DENND1B: variants seen among roughly 807,000 people sequenced by gnomAD.
DENND1B encodes DENN domain-containing protein 1B.
Under a neutral mutation model 90.1 loss-of-function variants are expected in DENND1B, and 59 were observed. The observed-to-expected ratio is 0.65, with a 90% CI of 0.53 to 0.81. The LOEUF (loss-of-function observed/expected upper bound fraction) is 0.81. Among genes scored for constraint, DENND1B ranks in the 40% least tolerant of loss-of-function variants. The pLI is 0.00. For synonymous variants in DENND1B, 337 were observed against 324.6 expected, an observed-to-expected ratio of 1.04 and a Z score of -0.41; for missense variants, 862 against 912.6, an observed-to-expected ratio of 0.94 and a Z score of 0.71.
chr1:197,773,138 G>A (rs1656832547), intron 1 of DENND1B: 1 of 560,772 alleles, frequency 1.8e-6, no homozygotes, highest in Non-Finnish European at 3.2e-6. Context: ...CTGAAACTTG[G>A]GGCAAAGCAT....
At chr1:197,544,825 AGAAGAG>A (rs1670614761) in intron 18 of DENND1B, among the ~76,000 whole-genome samples, 1 of 148,624 alleles carries the variant, frequency 6.7e-6, no homozygotes, top group South Asian at 2.2e-4. Context: ...AAGAGGAGGA[AGAAGAG>A]GAAGAGGAGG....
At position 197,719,072 on chromosome 1, in the gene DENND1B, A is replaced by AAC. The variant is rs200771239; in HGVS notation, c.83-4000_83-3999dup. Among the ~76,000 whole-genome samples, 571 of 152,234 alleles carry AAC rather than the reference A, an allele frequency of 3.8e-3. 14 individuals are homozygous for AAC. The highest frequency in any genetic ancestry group is 0.029 in the East Asian group (151 of 5,182). ...GAATGGCAACTATATTAAAAGACAT[A>AAC]ACACCACAGTAAGATGAGCCTCAGT... On this transcript the variant is annotated intron_variant, in intron 2 of 22. Transcript: ENST00000620048.
intron 14 of DENND1B, among the ~76,000 whole-genome samples, chr1:197,586,381 A>C (rs1313840502): frequency 6.6e-6 from 1 of 152,190 alleles, no homozygotes; most frequent in Admixed American, 6.6e-5. Flanking sequence ...TTTTAAATAA[A>C]TGTATATTTT....
At chr1:197,680,742 G>T (rs1656599532) in intron 3 of DENND1B, among the ~76,000 whole-genome samples, 1 of 152,104 alleles carries the variant, frequency 6.6e-6, no homozygotes. Context: ...ACATTAGGCA[G>T]CATATCAAAG....
chr1:197,668,016 A>G (rs1359925623), intron 5 of DENND1B, among the ~76,000 whole-genome samples: 2 of 152,196 alleles, frequency 1.3e-5, no homozygotes, highest in African/African-American at 4.8e-5. Context: ...AGACTTTTTT[A>G]TAAGTACATA....
intron 2 of DENND1B, among the ~76,000 whole-genome samples, chr1:197,740,086 G>A (rs1329541173): frequency 6.6e-6 from 1 of 152,194 alleles, no homozygotes; most frequent in African/African-American, 2.4e-5. Flanking sequence ...GAGCGCAAAA[G>A]GAAGGAGAGT....
chr1:197,673,664 A>G (rs1211310723), intron 4 of DENND1B, among the ~76,000 whole-genome samples: 1 of 152,132 alleles, frequency 6.6e-6, no homozygotes, highest in Non-Finnish European at 1.5e-5. Flanking sequence ...CCATAATATT[A>G]CACTACCTCT....
intron 18 of DENND1B, among the ~76,000 whole-genome samples, chr1:197,542,243 C>T (rs1670386632): frequency 6.6e-6 from 1 of 152,008 alleles, no homozygotes; most frequent in Non-Finnish European, 1.5e-5. Flanking sequence ...TAAATTTATA[C>T]AAGTGTGTAT....
At chr1:197,511,438 T>C (rs1668021185) in intron 22 of DENND1B, among the ~76,000 whole-genome samples, 1 of 151,726 alleles carries the variant, frequency 6.6e-6, no homozygotes, top group Non-Finnish European at 1.5e-5. Flanking sequence ...ATTTTAAAAA[T>C]TCCCCAGAGA....
chr1:197,777,552 C>T (rs1290451586), upstream of DENND1B, among the ~76,000 whole-genome samples: 1 of 152,122 alleles, frequency 6.6e-6, no homozygotes, highest in Non-Finnish European at 1.5e-5. Flanking sequence ...TTGGTAATAG[C>T]TTTAATGAAA....
chr1:197,760,641 C>CAAA (rs1265014598), intron 2 of DENND1B, among the ~76,000 whole-genome samples: 2 of 72,236 alleles, frequency 2.8e-5, no homozygotes, highest in Non-Finnish European at 5.9e-5. Context: ...GACCTTGTCT[C>CAAA]AAAAAAAAAA....
intron 2 of DENND1B, chr1:197,734,127 CAT>C: frequency 1.1e-6 from 1 of 935,624 alleles, no homozygotes; most frequent in Non-Finnish European, 1.3e-6. Flanking sequence ...ATAAAACTGT[CAT>C]ATCTTTTCAT....
intron 3 of DENND1B, chr1:197,690,625 AGGCTAAATGAATATTATCCCT>A (rs964399628): frequency 4.2e-6 from 1 of 237,208 alleles, no homozygotes; most frequent in Non-Finnish European, 8.3e-6. Flanking sequence ...AAAGTTCAGG[AGGCTAAATGAATATTATCCCT>A]AATACCTGCA....
At chr1:197,742,364 C>T (rs1276612151) in intron 2 of DENND1B, among the ~76,000 whole-genome samples, 1 of 152,108 alleles carries the variant, frequency 6.6e-6, no homozygotes, top group Admixed American at 6.6e-5. Flanking sequence ...TGAGTACCCA[C>T]TTATATAATA....
intron 10 of DENND1B, among the ~76,000 whole-genome samples, chr1:197,626,026 TC>T (rs1353852164): frequency 6.6e-6 from 1 of 151,994 alleles, no homozygotes; most frequent in Non-Finnish European, 1.5e-5. Flanking sequence ...ATAAAACAAG[TC>T]CTAAGTGACC....
intron 15 of DENND1B, among the ~76,000 whole-genome samples, chr1:197,560,273 A>G (rs1672056659): frequency 6.6e-6 from 1 of 151,940 alleles, no homozygotes; most frequent in African/African-American, 2.4e-5. Context: ...GCTATATTCC[A>G]GGCACTTTCC....
Position 197,672,944 on chromosome 1 carries a change from C to T in DENND1B, c.177-788G>A, listed in dbSNP as rs1655669522. The stretch of plus-strand genomic sequence containing the variant: ...TAATCTTGCCATTAGATAACCATAA[C>T]CGAACTTTTGCTTCCTTGTCCCAAA... On this transcript the variant is annotated intron_variant, in intron 4 of 22. Coordinates refer to ENST00000620048, the MANE Select transcript of DENND1B (RefSeq NM_001195215.2). 5.3e-5 allele frequency among the ~76,000 whole-genome samples: 8 copies of T among 151,962 alleles called. 1 individual carries two copies. The South Asian group carries it at 1.7e-3, about 32-fold the overall frequency.
intron 6 of DENND1B, among the ~76,000 whole-genome samples, chr1:197,655,049 T>C (rs1448887551): frequency 1.3e-5 from 2 of 152,148 alleles, no homozygotes; most frequent in Non-Finnish European, 2.9e-5. Flanking sequence ...TATAAAGAAA[T>C]AAATGATTGT....
intron 20 of DENND1B, among the ~76,000 whole-genome samples, chr1:197,521,054 T>A (rs984760117): frequency 2.6e-5 from 4 of 151,714 alleles, no homozygotes; most frequent in African/African-American, 9.7e-5. Flanking sequence ...AAAAAATATA[T>A]ACTGGTAAAG....
Sources: allele counts gnomAD v4.1 joint callset (sites outside exome capture counted in the v4.1 genomes callset), GRCh38; gene constraint gnomAD v4.1.1; transcripts MANE v1.5; gene names NCBI Gene and HGNC (gene_info 2026-07-23, HGNC 2026-07-21).